The following PDE1A variants were observed in gnomAD, a reference collection of about 807,000 sequenced individuals.
PDE1A encodes phosphodiesterase 1A.
A neutral mutation model predicts 61.7 loss-of-function variants in PDE1A; 35 were observed. The observed-to-expected ratio is 0.57, with a 90% CI of 0.43 to 0.75. The LOEUF (loss-of-function observed/expected upper bound fraction) is 0.75. PDE1A is among the 30% of genes least tolerant of loss of function. The probability of loss-of-function intolerance (pLI) is 0.00; values close to 1 mark genes in which losing one functional copy is unlikely to be tolerated. For missense variants in PDE1A, 597 were observed against 630.6 expected (o/e 0.95, Z 0.57); for synonymous variants, 232 against 213.2 (o/e 1.09, Z -0.77).
intron 1 of PDE1A, among the ~76,000 whole-genome samples, chr2:182,306,921 C>T (rs1167899598): frequency 6.6e-6 from 1 of 152,060 alleles, no homozygotes; most frequent in East Asian, 1.9e-4. Context: ...CCCAAAAGCT[C>T]ATGCAACAAA....
rs1356001386 is a variant in PDE1A at position 182,288,632 on chromosome 2, C to T, written c.54-24218G>A. On this transcript the variant is annotated intron_variant, in intron 1 of 13. Coordinates refer to ENST00000351439, the Ensembl canonical transcript of PDE1A. ...CCTGTGGAAGACACCACAGAAAACG[C>T]CAAGTACAACTAGCTTGGGGGAAAC... 2.6e-5 allele frequency among the ~76,000 whole-genome samples: 4 copies of T among 151,976 alleles called. No homozygotes were observed. The East Asian group carries it at 7.8e-4, about 30-fold the overall frequency.
chr2:182,690,523 T>A, the PDE1A span, among the ~76,000 whole-genome samples: 2 of 152,058 alleles, frequency 1.3e-5, no homozygotes, highest in Non-Finnish European at 2.9e-5. Context: ...ATTGATGGGA[T>A]GTATCTCAAA....
intron 1 of PDE1A, among the ~76,000 whole-genome samples, chr2:182,425,181 G>A (rs566902686): frequency 6.6e-5 from 10 of 152,196 alleles, no homozygotes; most frequent in Admixed American, 4.6e-4. Flanking sequence ...AGGTGGATCT[G>A]ATTTTATCCA....
At chr2:182,384,458 AAATAATAAT>A (rs112896044) in intron 1 of PDE1A, among the ~76,000 whole-genome samples, 26,877 of 141,866 alleles carry the variant, frequency 0.19, 3,128 homozygotes, top group East Asian at 0.45. Flanking sequence ...AATAAAGAGA[AAATAATAAT>A]AATAATAATA....
chr2:182,711,353 G>A, the PDE1A span, among the ~76,000 whole-genome samples: 101 of 152,184 alleles, frequency 6.6e-4, 1 homozygote, highest in African/African-American at 2.4e-3. Context: ...AGACAGAAGA[G>A]CTACATTTAT....
the PDE1A span, among the ~76,000 whole-genome samples, chr2:182,668,225 C>T: frequency 3.9e-5 from 6 of 152,128 alleles, no homozygotes; most frequent in African/African-American, 1.4e-4. Context: ...GGCTCAGAGA[C>T]GTAGGATTTG....
At chr2:182,667,859 C>A in the PDE1A span, among the ~76,000 whole-genome samples, 21 of 152,046 alleles carry the variant, frequency 1.4e-4, no homozygotes, top group Non-Finnish European at 2.8e-4. Context: ...GAAAAGTAAA[C>A]CCTTGGGATC....
At chr2:182,297,220 T>C (rs1342458009) in intron 1 of PDE1A, among the ~76,000 whole-genome samples, 1 of 152,166 alleles carries the variant, frequency 6.6e-6, no homozygotes, top group Non-Finnish European at 1.5e-5. Context: ...TACAGGGTTA[T>C]AAAAACTGTT....
At chr2:182,541,404 C>G in the PDE1A span, among the ~76,000 whole-genome samples, 8 of 152,226 alleles carry the variant, frequency 5.3e-5, 1 homozygote, top group Non-Finnish European at 1.0e-4. Context: ...CCCAGTCTTA[C>G]CACTTTCCAA....
intron 1 of PDE1A, among the ~76,000 whole-genome samples, chr2:182,394,679 A>G (rs1327708450): frequency 1.3e-5 from 2 of 152,200 alleles, no homozygotes; most frequent in African/African-American, 4.8e-5. Flanking sequence ...GGTCTGAGTT[A>G]CAGTGTATCC....
chr2:182,431,088 C>T (rs1344999998), upstream of PDE1A, among the ~76,000 whole-genome samples: 1 of 132,250 alleles, frequency 7.6e-6, no homozygotes, highest in Admixed American at 8.0e-5. Flanking sequence ...CACATGTACC[C>T]TAAAACTTAG....
At chr2:182,641,665 C>G in the PDE1A span, among the ~76,000 whole-genome samples, 1 of 152,172 alleles carries the variant, frequency 6.6e-6, no homozygotes, top group Non-Finnish European at 1.5e-5. Flanking sequence ...CACATCTTCA[C>G]ATAATAAGTT....
At chr2:182,140,880 C>G (rs1690198603) in exon 15 of PDE1A, 1 of 64,458 alleles carries the variant, frequency 1.6e-5, no homozygotes, top group Non-Finnish European at 2.9e-5. Context: ...GGGAGTATAG[C>G]AGATAGAGAG....
intron 1 of PDE1A, among the ~76,000 whole-genome samples, chr2:182,411,125 C>A (rs1324675807): frequency 6.6e-6 from 1 of 152,222 alleles, no homozygotes; most frequent in Non-Finnish European, 1.5e-5. Flanking sequence ...AAGACCCTTT[C>A]ATGTTCACTT....
intron 2 of PDE1A, chr2:182,463,456 A>T (rs1686442600): frequency 6.6e-6 from 1 of 152,140 alleles, no homozygotes; most frequent in Non-Finnish European, 1.5e-5. Context: ...AAGCAAGCCC[A>T]CTCTGATTTA....
intron 11 of PDE1A, among the ~76,000 whole-genome samples, chr2:182,187,117 T>C (rs2125402003): frequency 6.6e-6 from 1 of 152,370 alleles, no homozygotes; most frequent in Admixed American, 6.5e-5. Context: ...TGTGTTAATA[T>C]TTCAAATTGT....
intron 1 of PDE1A, among the ~76,000 whole-genome samples, chr2:182,420,898 C>T (rs1200194103): frequency 6.6e-6 from 1 of 152,114 alleles, no homozygotes; most frequent in Non-Finnish European, 1.5e-5. Context: ...AGCTTGTGTC[C>T]AAGTGGCCGT....
chr2:182,488,508 G>T (rs1169083831), intron 2 of PDE1A, among the ~76,000 whole-genome samples: 10 of 152,046 alleles, frequency 6.6e-5, no homozygotes. Context: ...AAAGTGTTTT[G>T]TTATGCCTTA....
chr2:182,608,409 G>A, the PDE1A span, among the ~76,000 whole-genome samples: 4 of 152,204 alleles, frequency 2.6e-5, no homozygotes, highest in African/African-American at 9.6e-5. Flanking sequence ...GCCCTTTTCT[G>A]GGCTGGCCAA....
Sources: allele counts gnomAD v4.1 joint callset (sites outside exome capture counted in the v4.1 genomes callset), GRCh38; gene constraint gnomAD v4.1.1; transcripts MANE v1.5; gene names NCBI Gene and HGNC (gene_info 2026-07-23, HGNC 2026-07-21).